TRPS1: variants seen among roughly 807,000 people sequenced by gnomAD.
TRPS1 encodes transcriptional repressor GATA binding 1.
In TRPS1, 6 loss-of-function variants were observed where a neutral mutation model predicts 101.2. The ratio of observed to expected loss-of-function variants is 0.06; its 90% CI spans 0.03 to 0.12. The LOEUF (loss-of-function observed/expected upper bound fraction) is 0.12. Among genes scored for constraint, TRPS1 ranks in the 10% least tolerant of loss-of-function variants. The probability of loss-of-function intolerance (pLI) is 1.00; values close to 1 mark genes in which losing one functional copy is unlikely to be tolerated. For synonymous variants in TRPS1, 578 were observed against 589.8 expected, an observed-to-expected ratio of 0.98 and a Z score of 0.29; for missense variants, 1,363 against 1,567.0, an observed-to-expected ratio of 0.87 and a Z score of 2.20.
At chr8:115,667,558 C>T (rs1811952812) in intron 1 of TRPS1, among the ~76,000 whole-genome samples, 1 of 152,196 alleles carries the variant, frequency 6.6e-6, no homozygotes, top group Admixed American at 6.5e-5. Context: ...GGCGCATCAA[C>T]CGCATCGCAG....
intron 1 of TRPS1, among the ~76,000 whole-genome samples, chr8:115,630,380 C>T (rs956733676): frequency 1.3e-5 from 2 of 152,108 alleles, no homozygotes; most frequent in African/African-American, 4.8e-5. Context: ...GCCATACACA[C>T]ACACACACCT....
At chr8:115,430,694 G>A (rs748725785) in intron 5 of TRPS1, among the ~76,000 whole-genome samples, 24 of 152,110 alleles carry the variant, frequency 1.6e-4, no homozygotes, top group East Asian at 7.7e-4. Context: ...AATGGCATAC[G>A]TTGGTTATGT....
chr8:115,538,057 G>A (rs1294609467), intron 5 of TRPS1, among the ~76,000 whole-genome samples: 1 of 152,182 alleles, frequency 6.6e-6, no homozygotes, highest in African/African-American at 2.4e-5. Flanking sequence ...ATTTCCAGGT[G>A]CTGATAATTA....
At position 115,414,365 on chromosome 8, in the gene TRPS1, G is replaced by A. The variant is rs1367896138; in HGVS notation, c.3543C>T (p.Ile1181=). Residue 1181 remains isoleucine (I), a synonymous_variant, in exon 7 of 7, where the codon ATC becomes ATT. Coordinates refer to ENST00000395715, the MANE Select transcript of TRPS1 (RefSeq NM_014112.5). The surrounding 1 kb of genome is among the most constrained non-coding windows in gnomAD (Gnocchi z 4.8). ...CAGTTGGCCCAGGTCTGGAATGCTT[G>A]ATCGCCAAATCTAGAGGAATGTCAT... ...SDNDIPLDLA[I]KHSRPGPTAN... is the part of the protein sequence containing the mutation. 1.2e-6 allele frequency: 2 copies of A among 1,613,928 alleles called. No individual in the cohort carries two copies. The highest frequency in any genetic ancestry group is 3.3e-5 in the Admixed American group (2 of 59,942).
At chr8:115,575,039 G>C (rs1336119277) in intron 5 of TRPS1, among the ~76,000 whole-genome samples, 1 of 152,118 alleles carries the variant, frequency 6.6e-6, no homozygotes, top group Non-Finnish European at 1.5e-5. Flanking sequence ...ATCTGGTAAA[G>C]TGACCTATGC....
intron 5 of TRPS1, among the ~76,000 whole-genome samples, chr8:115,423,149 G>A (rs564472307): frequency 1.3e-4 from 20 of 152,334 alleles, no homozygotes; most frequent in African/African-American, 4.6e-4. Context: ...AAAGCTACAT[G>A]AGGCAGCTCA....
intron 5 of TRPS1, among the ~76,000 whole-genome samples, chr8:115,530,858 C>G (rs1490488343): frequency 6.6e-6 from 1 of 151,890 alleles, no homozygotes; most frequent in Non-Finnish European, 1.5e-5. Flanking sequence ...CATGTTCTCA[C>G]TCATAGGTAG....
intron 5 of TRPS1, among the ~76,000 whole-genome samples, chr8:115,464,418 ATCAAACTATTGCAC>A (rs1237646336): frequency 1.3e-5 from 2 of 152,124 alleles, no homozygotes; most frequent in Non-Finnish European, 2.9e-5. Flanking sequence ...ATGGACTTAC[ATCAAACTATTGCAC>A]TCAAACTATT....
intron 1 of TRPS1, among the ~76,000 whole-genome samples, chr8:115,628,436 T>TACAC (rs542920476): frequency 4.0e-5 from 6 of 150,368 alleles, no homozygotes; most frequent in African/African-American, 9.8e-5. Flanking sequence ...AAAAACAAAT[T>TACAC]ACACACACAC....
At chr8:115,475,396 G>A (rs1814579715) in intron 5 of TRPS1, among the ~76,000 whole-genome samples, 1 of 150,274 alleles carries the variant, frequency 6.7e-6, no homozygotes. Flanking sequence ...GCAATTAGTT[G>A]ATGCCAATTT....
intron 1 of TRPS1, among the ~76,000 whole-genome samples, chr8:115,630,743 T>C (rs1391340521): frequency 6.6e-6 from 1 of 152,048 alleles, no homozygotes; most frequent in Non-Finnish European, 1.5e-5. Context: ...TCATTCACAC[T>C]TTACAGATAA....
chr8:115,556,777 C>T (rs1816830567), intron 5 of TRPS1, among the ~76,000 whole-genome samples: 1 of 152,150 alleles, frequency 6.6e-6, no homozygotes, highest in African/African-American at 2.4e-5. Flanking sequence ...TGTCTAGTGG[C>T]ATTTCCTATT....
At chr8:115,513,535 A>T (rs1245756289) in intron 5 of TRPS1, among the ~76,000 whole-genome samples, 1 of 151,628 alleles carries the variant, frequency 6.6e-6, no homozygotes. Flanking sequence ...AGCAAGGGTT[A>T]ATAAATTATG....
intron 5 of TRPS1, among the ~76,000 whole-genome samples, chr8:115,436,585 T>G (rs1813460436): frequency 6.6e-6 from 1 of 152,210 alleles, no homozygotes; most frequent in South Asian, 2.1e-4. Context: ...AGGCTAGCCT[T>G]GAACTCCTGG....
At chr8:115,448,136 G>C (rs146834847) in intron 5 of TRPS1, among the ~76,000 whole-genome samples, 1 of 152,246 alleles carries the variant, frequency 6.6e-6, no homozygotes, top group Non-Finnish European at 1.5e-5. Context: ...AACAACACTT[G>C]TGAGTATTAT....
At chr8:115,606,240 G>A (rs1818035513) in intron 3 of TRPS1, among the ~76,000 whole-genome samples, 1 of 152,100 alleles carries the variant, frequency 6.6e-6, no homozygotes, top group African/African-American at 2.4e-5. Context: ...AGATATGTTT[G>A]TACCTCTATT....
intron 5 of TRPS1, among the ~76,000 whole-genome samples, chr8:115,545,184 A>G (rs886595151): frequency 2.0e-5 from 3 of 152,194 alleles, no homozygotes; most frequent in African/African-American, 7.2e-5. Flanking sequence ...AGAAACTACT[A>G]TCAAATGCAG....
intron 4 of TRPS1, among the ~76,000 whole-genome samples, chr8:115,600,494 G>A (rs1366122357): frequency 4.6e-5 from 7 of 152,202 alleles, no homozygotes; most frequent in Non-Finnish European, 1.0e-4. Context: ...TAAGCTTAAA[G>A]CAAAACTCAG....
intron 5 of TRPS1, among the ~76,000 whole-genome samples, chr8:115,553,985 CACTT>C (rs1156646491): frequency 9.9e-5 from 15 of 152,088 alleles, no homozygotes; most frequent in East Asian, 5.8e-4. Flanking sequence ...CTTTATTAAA[CACTT>C]ACTTTTTTCC....
Sources: allele counts gnomAD v4.1 joint callset (sites outside exome capture counted in the v4.1 genomes callset), GRCh38; gene constraint gnomAD v4.1.1; non-coding constraint Gnocchi (gnomAD v3.1); transcripts MANE v1.5; gene names NCBI Gene and HGNC (gene_info 2026-07-23, HGNC 2026-07-21).